COL6A6: variants seen among roughly 807,000 people sequenced by gnomAD.
COL6A6 encodes the protein collagen alpha-6(VI) chain.
In COL6A6, 183 loss-of-function variants were observed where a neutral mutation model predicts 208.6. The observed-to-expected ratio is 0.88, with a 90% CI of 0.78 to 0.99. The LOEUF (loss-of-function observed/expected upper bound fraction) is 0.99. COL6A6 is among the 50% of genes least tolerant of loss of function. The pLI is 0.00. For synonymous variants in COL6A6, 973 were observed against 1,011.8 expected, an observed-to-expected ratio of 0.96 and a Z score of 0.73; for missense variants, 2,816 against 2,815.2, an observed-to-expected ratio of 1.00 and a Z score of -0.01.
chr3:130,561,740 C>T (rs2062891489), intron 2 of COL6A6, among the ~76,000 whole-genome samples: 1 of 150,030 alleles, frequency 6.7e-6, no homozygotes, highest in African/African-American at 2.5e-5. Context: ...GCAAGCTCCG[C>T]TTCCCGGGTT....
chr3:130,529,403 T>C (rs2062032871), intron 1 of COL6A6, among the ~76,000 whole-genome samples: 1 of 151,826 alleles, frequency 6.6e-6, no homozygotes, highest in South Asian at 2.1e-4. Context: ...TCAGGAAATA[T>C]GGTATTTTCA....
At position 130,563,653 on chromosome 3, in the gene COL6A6, T is replaced by C. The variant is rs746883936; in HGVS notation, c.650T>C (p.Ile217Thr). ...IKYKEGAVDDIFVEACQGPSM... is the reference protein window; with the variant it reads ...IKYKEGAVDDTFVEACQGPSM... ...TACAAGGAGGGAGCAGTTGATGACA[T>C]CTTTGTAGAAGGTGGGCTTAGGATA... The change falls in exon 3 of 37, where the codon ATC becomes ACC. Residue 217 changes from isoleucine (I) to threonine (T), a missense_variant. Transcript: ENST00000358511. 18 of 1,607,250 alleles carry C rather than the reference T, an allele frequency of 1.1e-5. No homozygotes were observed. Among genetic ancestry groups the C allele is most frequent in the Non-Finnish European group, 1.5e-5 (18 of 1,174,596 alleles).
chr3:130,661,874 A>G lies in COL6A6; in HGVS notation c.6068A>G (p.Asn2023Ser), dbSNP rs182190352. Residue 2023 changes from asparagine to serine, a missense_variant, in exon 35 of 37, where the codon AAC becomes AGC. Asn to Ser is a conservative substitution (Grantham distance 46). Coordinates refer to ENST00000358511, the MANE Select transcript of COL6A6 (RefSeq NM_001102608.3). ...LSHAPPDFLPNTQKSPVRAEF... is the reference protein window; with the variant it reads ...LSHAPPDFLPSTQKSPVRAEF... ...CATGCTCCCCCCGACTTCCTACCCA[A>G]CACTCAGAAGAGTCCAGTTAGAGCT... 144 of 1,613,934 alleles carry G rather than the reference A, an allele frequency of 8.9e-5. 2 individuals carry two copies. The African/African-American group carries it at 1.5e-3, about 17-fold the overall frequency.
At chr3:130,580,753 C>A (rs2063399264) in intron 8 of COL6A6, among the ~76,000 whole-genome samples, 1 of 152,216 alleles carries the variant, frequency 6.6e-6, no homozygotes, top group Non-Finnish European at 1.5e-5. Context: ...CTTAAAATAT[C>A]AAGCCCTTTC....
At position 130,591,095 on chromosome 3, in the gene COL6A6, G is replaced by GT; in HGVS notation, c.4272+2dup. On this transcript the variant is annotated splice_donor_variant, in intron 13 of 36. Transcript: ENST00000358511. LOFTEE classifies it high-confidence loss of function. ...CTACCTGGGAGAGGAGGGAATCGCTGTAAGTCAGGGCTCTTTTTTACCTCC... is the reference window on the plus strand; with the variant it reads ...CTACCTGGGAGAGGAGGGAATCGCTGTTAAGTCAGGGCTCTTTTTTACCTCC... The GT allele has an allele frequency of 2.5e-6, 4 of 1,578,028 alleles. No individual in the cohort carries two copies. The highest frequency in any genetic ancestry group is 1.3e-5 in the African/African-American group (1 of 74,578).
chr3:130,635,817 T>G (rs1342750954), intron 28 of COL6A6, 56 bp downstream of exon 28: 6 of 1,254,054 alleles, frequency 4.8e-6, no homozygotes, highest in South Asian at 3.9e-5. Flanking sequence ...AAGTCCTCCT[T>G]TGTGCATTTA....
chr3:130,564,968 G>A (rs1275238121), intron 3 of COL6A6, 26 bp from the exon 4 acceptor site: 2 of 1,602,648 alleles, frequency 1.2e-6, no homozygotes, highest in East Asian at 2.2e-5. Context: ...AGCTAAAATT[G>A]TGCTTGTTTA....
intron 20 of COL6A6, among the ~76,000 whole-genome samples, chr3:130,605,670 G>A (rs2064159589): frequency 6.6e-6 from 1 of 152,136 alleles, no homozygotes; most frequent in Non-Finnish European, 1.5e-5. Flanking sequence ...CCGAAATACA[G>A]TCTGTTTCTT....
At chr3:130,627,458 G>C in intron 26 of COL6A6, 89 bp downstream of exon 26, 1 of 1,087,430 alleles carries the variant, frequency 9.2e-7, no homozygotes, top group African/African-American at 1.5e-5. Context: ...AAGGGAAGCA[G>C]GGAATAAGGC....
intron 36 of COL6A6, among the ~76,000 whole-genome samples, chr3:130,665,712 TAATA>T (rs1366146496): frequency 6.6e-6 from 1 of 152,206 alleles, no homozygotes; most frequent in Non-Finnish European, 1.5e-5. Context: ...GAATGCTAGC[TAATA>T]AATGTAGAAG....
At position 130,662,243 on chromosome 3, in the gene COL6A6, G is replaced by T; in HGVS notation, c.6437G>T (p.Arg2146Leu). The change falls in exon 35 of 37, where the codon CGA becomes CTA. Residue 2146 changes from arginine to leucine, a missense_variant. Arg to Leu is a moderately radical substitution (Grantham distance 102, BLOSUM62 -2). Coordinates refer to ENST00000358511, the MANE Select transcript of COL6A6 (RefSeq NM_001102608.3). The stretch of plus-strand genomic sequence containing the variant: ...GATCACCACCTGGTCCAGCTTGGCC[G>T]AATTCATAAACCTGACCACAGTTAT... ...PLDHHLVQLGRIHKPDHSYGV... is the reference protein window; with the variant it reads ...PLDHHLVQLGLIHKPDHSYGV... 2 of 1,613,966 alleles carry T rather than the reference G, an allele frequency of 1.2e-6. No homozygotes were observed. Among genetic ancestry groups the T allele is most frequent in the Non-Finnish European group, 1.7e-6 (2 of 1,179,874 alleles).
At chr3:130,541,287 T>A (rs2062357452) in intron 1 of COL6A6, among the ~76,000 whole-genome samples, 1 of 152,218 alleles carries the variant, frequency 6.6e-6, no homozygotes, top group Non-Finnish European at 1.5e-5. Flanking sequence ...CACTTAGCAA[T>A]AAACACTTGA....
intron 12 of COL6A6, 104 bp from the exon 13 acceptor site, chr3:130,590,930 TCAAACAC>T: frequency 8.7e-6 from 7 of 802,416 alleles, no homozygotes; most frequent in Admixed American, 4.8e-5. Context: ...ACCATTTTTT[TCAAACAC>T]TTACTATTCC....
chr3:130,574,632 T>C (rs1294716439), intron 8 of COL6A6, 107 bp downstream of exon 8: 23 of 859,264 alleles, frequency 2.7e-5, no homozygotes, highest in African/African-American at 3.4e-5. Flanking sequence ...TTTAGATTTG[T>C]GCCTCTGGAT....
intron 8 of COL6A6, among the ~76,000 whole-genome samples, chr3:130,575,083 A>G (rs2063261609): frequency 6.6e-6 from 1 of 152,202 alleles, no homozygotes; most frequent in Non-Finnish European, 1.5e-5. Context: ...TTATAAAGGT[A>G]TCTTATGGGT....
chr3:130,621,937 T>C, intron 24 of COL6A6, 54 bp downstream of exon 24: 11 of 1,433,252 alleles, frequency 7.7e-6, no homozygotes, highest in Non-Finnish European at 1.1e-5. Context: ...TCAAGAGAAC[T>C]GTGTCTAATT....
intron 26 of COL6A6, 42 bp from the exon 27 acceptor site, chr3:130,634,548 G>A (rs938820054): frequency 6.4e-7 from 1 of 1,559,234 alleles, no homozygotes; most frequent in African/African-American, 1.3e-5. Context: ...ACTTCATTGG[G>A]TGATGTGTGC....
intron 6 of COL6A6, among the ~76,000 whole-genome samples, chr3:130,569,184 A>G (rs1468177724): frequency 6.6e-6 from 1 of 152,184 alleles, no homozygotes; most frequent in East Asian, 1.9e-4. Context: ...CATCTACTAT[A>G]TATGGTGCTT....
intron 1 of COL6A6, among the ~76,000 whole-genome samples, chr3:130,542,905 T>G (rs1390927366): frequency 7.6e-5 from 1 of 13,132 alleles, no homozygotes; most frequent in Non-Finnish European, 4.1e-4. Context: ...ACTCTTTTTT[T>G]TTTTTTTTTT....
Sources: gnomAD v4.1 joint callset for allele counts (sites outside exome capture counted in the v4.1 genomes callset) on GRCh38, gnomAD v4.1.1 for gene constraint, MANE v1.5 for transcripts, NCBI Gene and HGNC (gene_info 2026-07-23, HGNC 2026-07-21) for gene names.